Variants in SV2C observed in about 807,000 individuals in gnomAD.
SV2C encodes solute carrier family 22 member B3.
Under a neutral mutation model 79.7 loss-of-function variants are expected in SV2C, and 49 were observed. The observed-to-expected ratio is 0.61, with a 90% CI of 0.49 to 0.78. The LOEUF (loss-of-function observed/expected upper bound fraction) is 0.78, where lower values mean the gene tolerates loss of function less well. SV2C is among the 30% of genes least tolerant of loss of function. The probability of loss-of-function intolerance (pLI) is 0.00; values close to 1 mark genes in which losing one functional copy is unlikely to be tolerated. For missense variants in SV2C, 833 were observed against 912.9 expected (o/e 0.91, Z 1.13); for synonymous variants, 334 against 333.2 (o/e 1.00, Z -0.03).
intron 9 of SV2C, among the ~76,000 whole-genome samples, chr5:76,298,038 T>C (rs1747837763): frequency 6.6e-6 from 1 of 152,158 alleles, no homozygotes; most frequent in Non-Finnish European, 1.5e-5. Flanking sequence ...TAAGATGTTA[T>C]TATCATTATG....
intron 2 of SV2C, among the ~76,000 whole-genome samples, chr5:76,180,349 A>G (rs1414248221): frequency 6.6e-6 from 1 of 152,222 alleles, no homozygotes; most frequent in Admixed American, 6.5e-5. Context: ...TATATTTCTC[A>G]TAAGTCTGTT....
chr5:76,305,114 A>T (rs1748139967), intron 12 of SV2C, among the ~76,000 whole-genome samples: 1 of 152,078 alleles, frequency 6.6e-6, no homozygotes, highest in African/African-American at 2.4e-5. Flanking sequence ...GCTCACAGGA[A>T]CTCACTCACC....
intron 1 of SV2C, among the ~76,000 whole-genome samples, chr5:76,105,992 A>G (rs958918149): frequency 1.3e-5 from 2 of 152,066 alleles, no homozygotes; most frequent in African/African-American, 4.8e-5. Context: ...TCCCAAATGC[A>G]TATGTTTGGC....
At chr5:76,062,638 C>A in the SV2C span, among the ~76,000 whole-genome samples, 9 of 149,152 alleles carry the variant, frequency 6.0e-5, no homozygotes, top group Non-Finnish European at 8.9e-5. Flanking sequence ...AAAAAAAAAA[C>A]TGTGTAATTT....
chr5:75,923,748 C>T, the SV2C span, among the ~76,000 whole-genome samples: 4 of 151,894 alleles, frequency 2.6e-5, no homozygotes, highest in South Asian at 8.3e-4. Context: ...CATAAAAAGT[C>T]AAAAAACAAT....
chr5:75,854,186 CA>C, the SV2C span, among the ~76,000 whole-genome samples: 1 of 152,210 alleles, frequency 6.6e-6, no homozygotes, highest in East Asian at 1.9e-4. Context: ...GATTCATAGA[CA>C]TTTTTCACAT....
rs939533542 is a variant in SV2C at position 76,327,145 on chromosome 5, C to A, written c.*1598C>A. On this transcript the variant is annotated 3_prime_UTR_variant, in exon 13 of 13. Transcript: ENST00000502798. ...ACTCCCCTGAGGCCCCCCTGCCTCC[C>A]CCTCCCCTTCCTAATGATCCCTCGC... The A allele has an allele frequency of 6.6e-6, 1 of 152,178 alleles. No individual in the cohort carries two copies. Among genetic ancestry groups the A allele is most frequent in the African/African-American group, 2.4e-5 (1 of 41,424 alleles). The allele number at this position is 152,178 out of a possible 1,614,324, so 9.4% of individuals were successfully genotyped here.
chr5:75,980,008 A>C, the SV2C span, among the ~76,000 whole-genome samples: 1 of 152,312 alleles, frequency 6.6e-6, no homozygotes, highest in East Asian at 1.9e-4. Context: ...AGAAGACGCA[A>C]ATAAACACGA....
intron 1 of SV2C, among the ~76,000 whole-genome samples, chr5:76,121,067 G>A (rs1368805837): frequency 6.6e-6 from 1 of 150,394 alleles, no homozygotes; most frequent in African/African-American, 2.5e-5. Flanking sequence ...ATTCTAACTG[G>A]TGTGAGATGG....
chr5:76,251,713 G>A (rs1240273501), intron 4 of SV2C, among the ~76,000 whole-genome samples: 1 of 152,144 alleles, frequency 6.6e-6, no homozygotes, highest in Non-Finnish European at 1.5e-5. Context: ...TTAAGAACCA[G>A]TGGTATCCAG....
chr5:75,867,645 T>A, the SV2C span, among the ~76,000 whole-genome samples: 1 of 152,232 alleles, frequency 6.6e-6, no homozygotes, highest in Non-Finnish European at 1.5e-5. Flanking sequence ...TTATATTTGA[T>A]TCCTGGATGT....
At chr5:76,273,139 CA>C (rs1169249613) in intron 4 of SV2C, among the ~76,000 whole-genome samples, 1 of 137,994 alleles carries the variant, frequency 7.2e-6, no homozygotes, top group African/African-American at 2.8e-5. Context: ...AAATCTTTTA[CA>C]AAAAAGATAT....
the SV2C span, among the ~76,000 whole-genome samples, chr5:75,926,543 G>T: frequency 1.3e-5 from 2 of 152,138 alleles, no homozygotes; most frequent in Admixed American, 1.3e-4. Context: ...ACTGAAATGT[G>T]TTGAATAGGC....
chr5:76,181,504 C>T (rs190676525), intron 2 of SV2C, among the ~76,000 whole-genome samples: 1 of 152,274 alleles, frequency 6.6e-6, no homozygotes, highest in East Asian at 1.9e-4. Flanking sequence ...GTTTCACAAG[C>T]TTAACAGGAA....
At chr5:76,017,844 G>A in the SV2C span, among the ~76,000 whole-genome samples, 1 of 152,182 alleles carries the variant, frequency 6.6e-6, no homozygotes. Context: ...GATTTGGGAA[G>A]TGGCGGTAGG....
At position 76,279,980 on chromosome 5, in the gene SV2C, G is replaced by A. The variant is rs575568026; in HGVS notation, c.914-5182G>A. On this transcript the variant is annotated intron_variant, in intron 4 of 12. Transcript: ENST00000502798. The stretch of plus-strand genomic sequence containing the variant: ...GCTCATCAGTTGTAATCAAAGAGAA[G>A]ACAGGGAGATGGAACAGGGGCAGGT... 1.8e-4 allele frequency among the ~76,000 whole-genome samples: 27 copies of A among 152,260 alleles called. No homozygotes were observed. In the South Asian group the frequency reaches 5.2e-3, roughly 29 times the overall value.
At chr5:76,140,117 C>T (rs1213600207) in intron 2 of SV2C, among the ~76,000 whole-genome samples, 2 of 152,108 alleles carry the variant, frequency 1.3e-5, no homozygotes, top group African/African-American at 2.4e-5. Context: ...CTTGGCATTC[C>T]TATATCTTCC....
the SV2C span, among the ~76,000 whole-genome samples, chr5:75,875,995 G>A: frequency 3.9e-5 from 6 of 151,950 alleles, no homozygotes; most frequent in Non-Finnish European, 7.4e-5. Context: ...AATTAACCAT[G>A]TGGAAAGCAG....
intron 4 of SV2C, among the ~76,000 whole-genome samples, chr5:76,221,169 C>T (rs1745053962): frequency 6.6e-6 from 1 of 152,174 alleles, no homozygotes; most frequent in Non-Finnish European, 1.5e-5. Flanking sequence ...GAAAGCAACT[C>T]TGGCTAACTC....
Sources: gnomAD v4.1 joint callset for allele counts (sites outside exome capture counted in the v4.1 genomes callset) on GRCh38, gnomAD v4.1.1 for gene constraint, MANE v1.5 for transcripts, NCBI Gene and HGNC (gene_info 2026-07-23, HGNC 2026-07-21) for gene names.